The following MAMSTR variants were observed in gnomAD, a reference collection of about 807,000 sequenced individuals.
The protein encoded by MAMSTR is MEF2 activating motif and SAP domain containing transcriptional regulator, also known as MEF2-activating motif and SAP domain-containing transcriptional regulator.
In MAMSTR, 41 loss-of-function variants were observed where a neutral mutation model predicts 42.7. The observed-to-expected ratio is 0.96, with a 90% CI of 0.75 to 1.25. The LOEUF is 1.25. Among genes scored for constraint, MAMSTR ranks in the 50% most tolerant of loss-of-function variants. The probability of loss-of-function intolerance (pLI) is 0.00; values close to 1 mark genes in which losing one functional copy is unlikely to be tolerated. For synonymous variants in MAMSTR, 265 were observed against 244.1 expected, an observed-to-expected ratio of 1.09 and a Z score of -0.80; for missense variants, 567 against 557.6, an observed-to-expected ratio of 1.02 and a Z score of -0.17.
chr19:48,714,567 A>G lies in MAMSTR; in HGVS notation c.529-7T>C. The G allele has an allele frequency of 6.8e-7, 1 of 1,463,198 alleles. No homozygotes were observed. The highest frequency in any genetic ancestry group is 8.9e-7 in the Non-Finnish European group (1 of 1,120,268). 90.6% of individuals were successfully genotyped at this position (1,463,198 alleles called of 1,614,324 possible). Reference sequence around the variant, plus strand: ...GCTGCCGGAGCTCTGAGACCTGGGGAGGGGCGGGGCGTGGGAAGAGGCAGT... The same window carrying G: ...GCTGCCGGAGCTCTGAGACCTGGGGGGGGGCGGGGCGTGGGAAGAGGCAGT... On this transcript the variant is annotated splice_polypyrimidine_tract_variant and splice_region_variant and intron_variant, in intron 6 of 9. Transcript: ENST00000318083.
At chr19:48,707,838 G>GGAAAGAAAGAAAGAAAGAAA (rs4002470), downstream of MAMSTR, among the ~76,000 whole-genome samples, 260 of 90,972 alleles carry the variant, frequency 2.9e-3, 1 homozygote, top group East Asian at 0.015. Context: ...AAGAAAGAAA[G>GGAAAGAAAGAAAGAAAGAAA]GAAAGAAAGA....
intron 2 of MAMSTR, among the ~76,000 whole-genome samples, chr19:48,717,921 T>G (rs1283237132): frequency 1.3e-5 from 2 of 151,996 alleles, no homozygotes. Context: ...CCCAGGCTGG[T>G]CTCGAACTCC....
chr19:48,715,497 G>A (rs554227857), intron 4 of MAMSTR, 51 bp from the exon 5 acceptor site: 16 of 1,464,212 alleles, frequency 1.1e-5, no homozygotes, highest in South Asian at 2.9e-5. Context: ...CCCACCTTCC[G>A]GCCCCAGGAC....
chr19:48,717,566 G>A (rs189396618), intron 2 of MAMSTR, among the ~76,000 whole-genome samples: 7 of 139,822 alleles, frequency 5.0e-5, no homozygotes, highest in East Asian at 2.1e-4. Flanking sequence ...ACAAAGTCTC[G>A]CTCTGTCACC....
chr19:48,707,605 G>T, the MAMSTR span, among the ~76,000 whole-genome samples: 1 of 150,876 alleles, frequency 6.6e-6, no homozygotes, highest in South Asian at 2.1e-4. Flanking sequence ...GCCAGGCGTG[G>T]TGGTGCACAC....
Position 48,714,547 on chromosome 19 carries a change from C to T in MAMSTR, c.542G>A (p.Arg181Gln). ...GAGGCCCCGCAGGCGCAGCTGCTGC[C>T]GGAGCTCTGAGACCTGGGGAGGGGC... is the stretch of plus-strand genomic sequence containing the variant. ...KLEELTVSEL[R>Q]QQLRLRGLPV... The change falls in exon 7 of 10, where the codon CGG becomes CAG. Residue 181 changes from arginine to glutamine, a missense_variant. Physicochemically the swap from Arg to Gln is conservative, Grantham distance 43 (BLOSUM62 1). Coordinates refer to ENST00000318083, the MANE Select transcript of MAMSTR (RefSeq NM_001130915.2). 1 of 1,459,490 alleles carries T rather than the reference C, an allele frequency of 6.9e-7. No homozygotes were observed. Among genetic ancestry groups the T allele is most frequent in the Admixed American group, 2.7e-5 (1 of 36,524 alleles). The allele number at this position is 1,459,490 out of a possible 1,614,324, so 90.4% of individuals were successfully genotyped here. A position where few individuals can be genotyped will look rare whatever the true frequency, so the allele number is the denominator to read the frequency against.
chr19:48,710,247 G>A (rs2452170), downstream of MAMSTR, among the ~76,000 whole-genome samples: 66,199 of 149,896 alleles, frequency 0.44, 15,547 homozygotes, highest in Middle Eastern at 0.59. Context: ...TGGAACTACA[G>A]GTGTGCACCA....
chr19:48,714,657 A>G, intron 6 of MAMSTR, 97 bp from the exon 7 acceptor site: 1 of 1,309,620 alleles, frequency 7.6e-7, no homozygotes, highest in Non-Finnish European at 1.1e-6. Flanking sequence ...GAAAGGAGGC[A>G]CTGGGGGTCC....
rs2033179431 is a variant in MAMSTR, at chr19:48,719,692, C to G, written c.-35G>C. ...GGGGCTTCTCACCAGGTGGGCTCGG[C>G]GAAGCTGTGCTCTGGGGCGGGTTGA... On this transcript the variant is annotated 5_prime_UTR_variant, in exon 1 of 10. Coordinates refer to ENST00000318083, the MANE Select transcript of MAMSTR (RefSeq NM_001130915.2). This position sits in a 1 kb window ranked among gnomAD's most constrained non-coding sequence, Gnocchi z 4.4. The G allele has an allele frequency of 6.5e-6, 1 of 152,730 alleles. No homozygotes were observed. The highest frequency in any genetic ancestry group is 2.4e-5 in the African/African-American group (1 of 41,544). The allele number at this position is 152,730 out of a possible 1,614,324, so 9.5% of individuals were successfully genotyped here.
In MAMSTR at chr19:48,715,763, C is replaced by T. The variant is rs775301874; in HGVS notation, c.102G>A (p.Ser34=). 1.0e-5 allele frequency: 16 copies of T among 1,541,204 alleles called. No homozygotes were observed. Among genetic ancestry groups the T allele is most frequent in the African/African-American group, 8.3e-5 (6 of 72,004 alleles). ...RIHRRNQEQI[S]DPDPWISASD... ...AGGCTGAGATCCACGGGTCCGGATC[C>T]GAGACTGGAGAGACGGTGAAGGACC... The change falls in exon 4 of 10, where the codon TCG becomes TCA. Residue 34 remains serine (S), a synonymous_variant. Coordinates refer to ENST00000318083, the MANE Select transcript of MAMSTR (RefSeq NM_001130915.2).
intron 3 of MAMSTR, among the ~76,000 whole-genome samples, chr19:48,716,296 A>G (rs2033027103): frequency 6.8e-6 from 1 of 147,666 alleles, no homozygotes; most frequent in South Asian, 2.1e-4. Flanking sequence ...GAATCGCTTG[A>G]ACCTGGGAGG....
At chr19:48,711,991 C>T (rs113984730), downstream of MAMSTR, among the ~76,000 whole-genome samples, 8 of 152,112 alleles carry the variant, frequency 5.3e-5, no homozygotes, top group Middle Eastern at 3.4e-3. Context: ...CTCCTGACCT[C>T]GTGATCCGCC....
At chr19:48,710,109 G>A (rs968270472), downstream of MAMSTR, among the ~76,000 whole-genome samples, 1 of 150,616 alleles carries the variant, frequency 6.6e-6, no homozygotes, top group Non-Finnish European at 1.5e-5. Flanking sequence ...CACCTGCCTC[G>A]GACTCCCAAA....
downstream of MAMSTR, among the ~76,000 whole-genome samples, chr19:48,707,897 A>AAGG (rs2032676117): frequency 2.7e-5 from 2 of 73,890 alleles, no homozygotes; most frequent in African/African-American, 4.5e-5. Flanking sequence ...GAAAAGAAAG[A>AAGG]AAGAAAGGAA....
At chr19:48,707,400 G>A in the MAMSTR span, among the ~76,000 whole-genome samples, 15 of 149,654 alleles carry the variant, frequency 1.0e-4, no homozygotes, top group South Asian at 2.2e-3. Flanking sequence ...TGCCAGTAGC[G>A]CGAGACTCCG....
rs150770743 is a variant in MAMSTR at position 48,714,032 on chromosome 19, G to A, written c.737C>T (p.Ala246Val). ...ARRQGSVKPS[A>V]ASHRPPLPRA... ...TGGAAGAGGTGGCCTGTGAGATGCT[G>A]CGCTGGGCTTGACCTAGAGCAGCCA... The change falls in exon 8 of 10, where the codon GCA becomes GTA. Residue 246 changes from alanine (A) to valine (V), a missense_variant. Physicochemically the swap from Ala to Val is moderately conservative, Grantham distance 64 (BLOSUM62 0). Coordinates refer to ENST00000318083, the MANE Select transcript of MAMSTR (RefSeq NM_001130915.2). The A allele has an allele frequency of 4.8e-5, 77 of 1,595,768 alleles. No homozygotes were observed. Among genetic ancestry groups the A allele is most frequent in the Middle Eastern group, 2.0e-4 (1 of 5,010 alleles).
At chr19:48,716,516 C>A (rs1382667205) in intron 3 of MAMSTR, among the ~76,000 whole-genome samples, 189 bp downstream of exon 3, 2 of 152,018 alleles carry the variant, frequency 1.3e-5, no homozygotes, top group East Asian at 3.9e-4. Flanking sequence ...AGCAGAGCTC[C>A]TAGGGGTGGG....
chr19:48,713,495 G>C lies in MAMSTR; in HGVS notation c.1020C>G (p.Pro340=), dbSNP rs748942799. ...ATGAGAGGCCTTCAGAGTCCGGGGA[G>C]GGGGACAGCACGTCGAAGGAGCCAG... The part of the protein sequence containing the change: ...DFPGSFDVLS[P]SPDSEGLSSV... The change falls in exon 10 of 10, where the codon CCC becomes CCG. Residue 340 remains proline, a synonymous_variant. Transcript: ENST00000318083. The C allele has an allele frequency of 3.6e-5, 58 of 1,612,824 alleles. No homozygotes were observed. Among genetic ancestry groups the C allele is most frequent in the Non-Finnish European group, 4.9e-5 (58 of 1,179,672 alleles).
downstream of MAMSTR, among the ~76,000 whole-genome samples, chr19:48,707,835 A>AAAGGAAAGAAAG (rs2032666808): frequency 9.5e-6 from 1 of 105,434 alleles, no homozygotes; most frequent in Non-Finnish European, 1.9e-5. Context: ...ACAAAGAAAG[A>AAAGGAAAGAAAG]AAGGAAAGAA....
Sources: gnomAD v4.1 joint callset for allele counts (sites outside exome capture counted in the v4.1 genomes callset) on GRCh38, gnomAD v4.1.1 for gene constraint, Gnocchi (gnomAD v3.1) non-coding constraint, MANE v1.5 for transcripts, NCBI Gene and HGNC (gene_info 2026-07-23, HGNC 2026-07-21) for gene names.